Variants in TENM2 observed in about 807,000 individuals in gnomAD.
The protein encoded by TENM2 is teneurin-2.
A neutral mutation model predicts 245.2 loss-of-function variants in TENM2; 52 were observed. That is an observed-to-expected ratio of 0.21 (90% CI 0.17 to 0.27). The LOEUF (loss-of-function observed/expected upper bound fraction) is 0.27. Ranked by LOEUF, TENM2 falls within the 10% of genes least tolerant of loss-of-function variation. TENM2 has a pLI of 1.00. For synonymous variants in TENM2, 1,363 were observed against 1,438.9 expected (o/e 0.95, Z 1.19); for missense variants, 3,046 against 3,666.8 (o/e 0.83, Z 4.37).
At chr5:167,123,334 T>C in the TENM2 span, among the ~76,000 whole-genome samples, 3 of 152,060 alleles carry the variant, frequency 2.0e-5, no homozygotes, top group Admixed American at 2.0e-4. Flanking sequence ...TCTCAAAAAA[T>C]AAACAAACAA....
intron 1 of TENM2, among the ~76,000 whole-genome samples, chr5:167,339,810 C>T (rs114055516): frequency 6.6e-6 from 1 of 152,172 alleles, no homozygotes; most frequent in Non-Finnish European, 1.5e-5. Flanking sequence ...TCTTTTTTAT[C>T]CCTCTCACTT....
chr5:168,060,963 C>T (rs968472534), intron 6 of TENM2, among the ~76,000 whole-genome samples: 1 of 152,058 alleles, frequency 6.6e-6, no homozygotes, highest in African/African-American at 2.4e-5. Flanking sequence ...AAGAGTTAGT[C>T]CTTCACAGAA....
chr5:167,265,650 G>T, the TENM2 span, among the ~76,000 whole-genome samples: 7 of 152,082 alleles, frequency 4.6e-5, no homozygotes, highest in African/African-American at 1.7e-4. Context: ...CTGGAAAATT[G>T]TACAGACTCT....
chr5:167,519,787 T>A (rs984820104), intron 2 of TENM2, among the ~76,000 whole-genome samples: 1 of 152,168 alleles, frequency 6.6e-6, no homozygotes, highest in African/African-American at 2.4e-5. Flanking sequence ...ACAATCAAAT[T>A]GTGATTGTTT....
At chr5:167,728,124 G>A (rs376204089) in intron 2 of TENM2, among the ~76,000 whole-genome samples, 1 of 152,146 alleles carries the variant, frequency 6.6e-6, no homozygotes, top group African/African-American at 2.4e-5. Context: ...GGAGGAATAT[G>A]CTGTTGCTAT....
intron 2 of TENM2, among the ~76,000 whole-genome samples, chr5:167,477,264 TAA>T (rs10545252): frequency 0.1 from 14,232 of 140,380 alleles, 1,056 homozygotes; most frequent in East Asian, 0.3. Flanking sequence ...TGAATAATAG[TAA>T]AAAAAAAAAA....
At chr5:167,425,034 G>A (rs1033460517) in intron 2 of TENM2, among the ~76,000 whole-genome samples, 2 of 152,238 alleles carry the variant, frequency 1.3e-5, no homozygotes, top group East Asian at 1.9e-4. Context: ...TTTGCACAGT[G>A]CAATTTCATG....
At chr5:167,194,986 T>C in the TENM2 span, among the ~76,000 whole-genome samples, 1 of 152,002 alleles carries the variant, frequency 6.6e-6, no homozygotes, top group Non-Finnish European at 1.5e-5. Context: ...ACTTACTTCC[T>C]AAAGGGCTTA....
At chr5:167,608,775 T>C (rs1308385352) in intron 2 of TENM2, among the ~76,000 whole-genome samples, 1 of 152,218 alleles carries the variant, frequency 6.6e-6, no homozygotes, top group Non-Finnish European at 1.5e-5. Flanking sequence ...GGTTGTCCAG[T>C]GTTTCCTGAA....
At chr5:167,553,470 C>T (rs965920237) in intron 2 of TENM2, among the ~76,000 whole-genome samples, 1 of 152,196 alleles carries the variant, frequency 6.6e-6, no homozygotes, top group Non-Finnish European at 1.5e-5. Context: ...TCTCACATAG[C>T]GTCCAGATCT....
the TENM2 span, among the ~76,000 whole-genome samples, chr5:167,171,386 T>C: frequency 6.6e-6 from 1 of 152,152 alleles, no homozygotes; most frequent in African/African-American, 2.4e-5. Context: ...AACCACTCAC[T>C]CTAATGCTTA....
the TENM2 span, among the ~76,000 whole-genome samples, chr5:167,238,150 G>A: frequency 4.7e-4 from 71 of 151,800 alleles, no homozygotes; most frequent in Non-Finnish European, 8.5e-4. Context: ...AGAACTTTTA[G>A]CAATGTATTC....
chr5:168,188,744 A>G (rs1296791509), intron 13 of TENM2, among the ~76,000 whole-genome samples: 1 of 152,182 alleles, frequency 6.6e-6, no homozygotes, highest in African/African-American at 2.4e-5. Context: ...TCACCTGAGA[A>G]TCATGTTTAA....
intron 2 of TENM2, among the ~76,000 whole-genome samples, chr5:167,526,080 G>C (rs1771088102): frequency 6.6e-6 from 1 of 151,798 alleles, no homozygotes; most frequent in South Asian, 2.1e-4. Context: ...AGAAAGACCT[G>C]CCTAACAAAG....
intron 3 of TENM2, among the ~76,000 whole-genome samples, chr5:167,927,679 T>C (rs1777868116): frequency 6.6e-6 from 1 of 152,182 alleles, no homozygotes; most frequent in African/African-American, 2.4e-5. Flanking sequence ...TTTGTTTCTT[T>C]ATTTAAATCC....
At chr5:167,074,498 T>C in the TENM2 span, among the ~76,000 whole-genome samples, 1 of 152,208 alleles carries the variant, frequency 6.6e-6, no homozygotes, top group Non-Finnish European at 1.5e-5. Flanking sequence ...GTGCAGATTA[T>C]ATAATTCCTG....
At chr5:167,109,793 A>G in the TENM2 span, among the ~76,000 whole-genome samples, 48 of 152,240 alleles carry the variant, frequency 3.2e-4, no homozygotes, top group African/African-American at 1.2e-3. Flanking sequence ...AATTTCTCCA[A>G]TTTTGGCATA....
At chr5:167,587,336 TAAAC>T (rs928400438) in intron 2 of TENM2, among the ~76,000 whole-genome samples, 9 of 152,210 alleles carry the variant, frequency 5.9e-5, no homozygotes, top group Non-Finnish European at 1.0e-4. Flanking sequence ...AAACTGAAGA[TAAAC>T]AAATAAGGTA....
intron 12 of TENM2, chr5:168,139,385 TTTTA>T (rs1755339079): frequency 9.2e-6 from 4 of 436,308 alleles, no homozygotes; most frequent in African/African-American, 6.1e-5. Context: ...GCTATATCTA[TTTTA>T]TTTATTTTGA....
Sources: gnomAD v4.1 joint callset for allele counts (sites outside exome capture counted in the v4.1 genomes callset) on GRCh38, gnomAD v4.1.1 for gene constraint, MANE v1.5 for transcripts, NCBI Gene and HGNC (gene_info 2026-07-23, HGNC 2026-07-21) for gene names.